The following CAMK2D variants were observed in gnomAD, a reference collection of about 807,000 sequenced individuals.
CAMK2D encodes calcium/calmodulin-dependent protein kinase type II subunit delta.
Under a neutral mutation model 84.0 loss-of-function variants are expected in CAMK2D, and 37 were observed. The observed-to-expected ratio is 0.44, with a 90% confidence interval of 0.34 to 0.58. CAMK2D has a LOEUF of 0.58. Ranked by LOEUF, CAMK2D falls within the 20% of genes least tolerant of loss-of-function variation. CAMK2D has a pLI of 0.02. For missense variants in CAMK2D, 448 were observed against 652.5 expected (o/e 0.69, Z 3.41); for synonymous variants, 202 against 212.5 (o/e 0.95, Z 0.43).
chr4:113,466,495 TG>T (rs1187115505), intron 16 of CAMK2D, among the ~76,000 whole-genome samples: 1 of 152,150 alleles, frequency 6.6e-6, no homozygotes, highest in Non-Finnish European at 1.5e-5. Context: ...CTTTTCTGCT[TG>T]ACAAACTCTA....
At chr4:113,748,811 T>C (rs974231923) in intron 2 of CAMK2D, among the ~76,000 whole-genome samples, 1 of 151,978 alleles carries the variant, frequency 6.6e-6, no homozygotes, top group Non-Finnish European at 1.5e-5. Flanking sequence ...TTTCCATATT[T>C]CCCCAAATTC....
intron 13 of CAMK2D, 49 bp downstream of exon 13, chr4:113,509,589 T>C (rs765228832): frequency 8.6e-7 from 1 of 1,162,734 alleles, no homozygotes. Context: ...TTAAAGATTA[T>C]CCAGCATCTG....
intron 3 of CAMK2D, among the ~76,000 whole-genome samples, chr4:113,614,572 A>C (rs1204268029): frequency 6.6e-6 from 1 of 152,194 alleles, no homozygotes; most frequent in Admixed American, 6.6e-5. Flanking sequence ...ACCTCTGAGG[A>C]TAAGAGATAA....
At chr4:113,750,508 C>T (rs962398682) in intron 2 of CAMK2D, among the ~76,000 whole-genome samples, 1 of 152,184 alleles carries the variant, frequency 6.6e-6, no homozygotes, top group Non-Finnish European at 1.5e-5. Flanking sequence ...AGCCCTTTCA[C>T]TAACTCTACT....
chr4:113,643,959 T>C (rs1194300678), intron 3 of CAMK2D, among the ~76,000 whole-genome samples: 4 of 152,218 alleles, frequency 2.6e-5, no homozygotes, highest in South Asian at 4.1e-4. Flanking sequence ...CATGAGATAT[T>C]TGCAAATCAA....
chr4:113,533,753 C>A (rs2098472565), intron 7 of CAMK2D, among the ~76,000 whole-genome samples: 1 of 150,884 alleles, frequency 6.6e-6, no homozygotes, highest in Non-Finnish European at 1.5e-5. Context: ...TTGAATATTT[C>A]TTTTTGGTAA....
Position 113,496,595 on chromosome 4 carries a change from C to T in CAMK2D, c.1135+3868G>A, listed in dbSNP as rs12649792. Among the ~76,000 whole-genome samples the T allele has an allele frequency of 8.4e-4, 127 of 151,924 alleles. No individual in the cohort carries two copies. In the East Asian group the frequency reaches 0.017, roughly 20 times the overall value. ...TCCCGAGTTGCTGGGATTACAGGCG[C>T]GTACCACAGTGCCCAGCTAATTTTT... On this transcript the variant is annotated intron_variant, in intron 16 of 20. Coordinates refer to ENST00000511664, the MANE Select transcript of CAMK2D (RefSeq NM_001321571.2).
At chr4:113,512,214 G>A (rs2098224229) in intron 12 of CAMK2D, among the ~76,000 whole-genome samples, 1 of 152,138 alleles carries the variant, frequency 6.6e-6, no homozygotes, top group African/African-American at 2.4e-5. Flanking sequence ...GCTTAGCATT[G>A]AACAAGATTT....
intron 3 of CAMK2D, among the ~76,000 whole-genome samples, chr4:113,659,966 T>C (rs1194293884): frequency 6.6e-6 from 1 of 152,150 alleles, no homozygotes; most frequent in Non-Finnish European, 1.5e-5. Context: ...TTTTTACCCA[T>C]AGTATCCATT....
At chr4:113,479,115 A>T (rs2097667050) in intron 16 of CAMK2D, among the ~76,000 whole-genome samples, 1 of 152,228 alleles carries the variant, frequency 6.6e-6, no homozygotes, top group South Asian at 2.1e-4. Context: ...ACTTCTATCA[A>T]GATAGTTAGT....
chr4:113,583,813 C>T (rs10488895), intron 4 of CAMK2D, among the ~76,000 whole-genome samples: 12,495 of 152,092 alleles, frequency 0.082, 894 homozygotes, highest in East Asian at 0.19. Flanking sequence ...TGGAATTCAG[C>T]ATCTTTCATG....
At chr4:113,736,408 T>C (rs1022656594) in intron 2 of CAMK2D, among the ~76,000 whole-genome samples, 2 of 152,204 alleles carry the variant, frequency 1.3e-5, no homozygotes, top group Admixed American at 1.3e-4. Context: ...ATTTAAAATA[T>C]ACTAATGTAG....
chr4:113,503,746 T>C (rs1273167873), intron 14 of CAMK2D, among the ~76,000 whole-genome samples: 3 of 152,212 alleles, frequency 2.0e-5, no homozygotes, highest in Admixed American at 2.0e-4. Flanking sequence ...AAGTATGGGT[T>C]TTCTATTGTT....
intron 3 of CAMK2D, among the ~76,000 whole-genome samples, chr4:113,612,676 C>T (rs1183541623): frequency 6.6e-6 from 1 of 152,144 alleles, no homozygotes; most frequent in Admixed American, 6.6e-5. Context: ...GGTTATAATA[C>T]ATTTTGGCAG....
chr4:113,594,578 A>C (rs964363118), intron 4 of CAMK2D, among the ~76,000 whole-genome samples: 3 of 152,238 alleles, frequency 2.0e-5, no homozygotes, highest in Admixed American at 6.5e-5. Flanking sequence ...ATATTCTAAG[A>C]AAGAATCCAA....
rs187639088 is a variant in CAMK2D at position 113,733,382 on chromosome 4, A to C, written c.160+25938T>G. 8.5e-5 allele frequency among the ~76,000 whole-genome samples: 13 copies of C among 152,116 alleles called. No individual in the cohort carries two copies. The East Asian group carries it at 2.5e-3, about 29-fold the overall frequency. The stretch of plus-strand genomic sequence containing the variant: ...AAAATGCCTAGGCATGAACACCACA[A>C]ATGAAAGATCAAAGAGTAACTAGAT... On this transcript the variant is annotated intron_variant, in intron 2 of 20. Transcript: ENST00000511664.
At chr4:113,618,737 T>C (rs1205774239) in intron 3 of CAMK2D, among the ~76,000 whole-genome samples, 1 of 152,168 alleles carries the variant, frequency 6.6e-6, no homozygotes, top group African/African-American at 2.4e-5. Context: ...GAAAAATACA[T>C]TCTGTAATCT....
intron 3 of CAMK2D, among the ~76,000 whole-genome samples, chr4:113,622,586 G>C (rs2154278298): frequency 6.6e-6 from 1 of 152,310 alleles, no homozygotes; most frequent in African/African-American, 2.4e-5. Flanking sequence ...GCCACAAAGT[G>C]ACGCCCCATC....
intron 2 of CAMK2D, among the ~76,000 whole-genome samples, chr4:113,726,843 A>G (rs2099547300): frequency 6.6e-6 from 1 of 152,064 alleles, no homozygotes; most frequent in African/African-American, 2.4e-5. Context: ...AGGGCTGCAC[A>G]TTTTTTTGGA....
Sources: allele counts gnomAD v4.1 joint callset (sites outside exome capture counted in the v4.1 genomes callset), GRCh38; gene constraint gnomAD v4.1.1; transcripts MANE v1.5; gene names NCBI Gene and HGNC (gene_info 2026-07-23, HGNC 2026-07-21).